PLCB4: variants seen among roughly 807,000 people sequenced by gnomAD.
The protein encoded by PLCB4 is phospholipase C beta 4, also known as 1-phosphatidylinositol 4,5-bisphosphate phosphodiesterase beta-4.
Under a neutral mutation model 178.8 loss-of-function variants are expected in PLCB4, and 77 were observed. That is an observed-to-expected ratio of 0.43 (90% CI 0.36 to 0.52). The LOEUF (loss-of-function observed/expected upper bound fraction) is 0.52. Ranked by LOEUF, PLCB4 falls within the 20% of genes least tolerant of loss-of-function variation. The pLI, the probability that PLCB4 is intolerant of heterozygous loss-of-function variation, is 0.00. For missense variants in PLCB4, 1,024 were observed against 1,453.4 expected (o/e 0.70, Z 4.80); for synonymous variants, 496 against 490.8 (o/e 1.01, Z -0.14).
intron 3 of PLCB4, among the ~76,000 whole-genome samples, chr20:9,263,851 A>T (rs1249055034): frequency 1.3e-5 from 2 of 152,204 alleles, no homozygotes; most frequent in African/African-American, 4.8e-5. Context: ...CAGTGGGATG[A>T]AAAAAGGAAA....
chr20:9,338,862 A>ATT, intron 6 of PLCB4, 32 bp from the exon 7 acceptor site: 2 of 1,547,504 alleles, frequency 1.3e-6, no homozygotes, highest in Non-Finnish European at 8.8e-7. Flanking sequence ...GATGTAACTT[A>ATT]TTTTTTTTTC....
chr20:9,069,753 T>C (rs529402396), intron 1 of PLCB4, among the ~76,000 whole-genome samples: 5 of 152,338 alleles, frequency 3.3e-5, no homozygotes, highest in African/African-American at 1.2e-4. Flanking sequence ...TACTTCTGAG[T>C]GTAGACTTCG....
chr20:9,439,708 T>G (rs1709257754), intron 30 of PLCB4, among the ~76,000 whole-genome samples: 1 of 152,122 alleles, frequency 6.6e-6, no homozygotes, highest in Non-Finnish European at 1.5e-5. Context: ...TGTAGCTTGA[T>G]CTCATTACTT....
chr20:9,303,728 G>T (rs900460827), intron 3 of PLCB4, among the ~76,000 whole-genome samples: 7 of 151,986 alleles, frequency 4.6e-5, no homozygotes, highest in Non-Finnish European at 8.8e-5. Flanking sequence ...GGATCATTTA[G>T]TTCCTCAAAA....
intron 2 of PLCB4, among the ~76,000 whole-genome samples, chr20:9,109,380 A>G (rs982381816): frequency 3.9e-5 from 6 of 152,274 alleles, no homozygotes; most frequent in African/African-American, 7.2e-5. Flanking sequence ...CAGTCTCCCT[A>G]TTTGAGAAGG....
intron 1 of PLCB4, among the ~76,000 whole-genome samples, chr20:9,089,643 G>C (rs946352065): frequency 6.6e-6 from 1 of 152,092 alleles, no homozygotes; most frequent in Non-Finnish European, 1.5e-5. Flanking sequence ...GTGGTTCTAA[G>C]ATTGTGTCCA....
At chr20:9,305,249 A>G (rs1312875666) in intron 3 of PLCB4, among the ~76,000 whole-genome samples, 1 of 151,986 alleles carries the variant, frequency 6.6e-6, no homozygotes, top group Non-Finnish European at 1.5e-5. Flanking sequence ...GTTACTTTTT[A>G]AAAGAGGCTC....
rs751991825 is a variant in PLCB4 at position 9,393,696 on chromosome 20, A to G, written c.1414+18A>G. ...TGAAAAAAGTAAGTGAAACACACACATTTATAATGGAAGCATACATAACAT... is the reference window on the plus strand; with the variant it reads ...TGAAAAAAGTAAGTGAAACACACACGTTTATAATGGAAGCATACATAACAT... On this transcript the variant is annotated intron_variant, in intron 18 of 39. Transcript: ENST00000378473. 2 of 1,442,600 alleles carry G rather than the reference A, an allele frequency of 1.4e-6. No individual in the cohort carries two copies. The highest frequency in any genetic ancestry group is 9.8e-7 in the Non-Finnish European group (1 of 1,024,056). 89.4% of individuals were successfully genotyped at this position (1,442,600 alleles called of 1,614,324 possible). A position where few individuals can be genotyped will look rare whatever the true frequency, so the allele number is the denominator to read the frequency against.
intron 2 of PLCB4, among the ~76,000 whole-genome samples, chr20:9,142,010 G>T (rs918460249): frequency 3.3e-5 from 5 of 152,220 alleles, no homozygotes; most frequent in African/African-American, 1.2e-4. Context: ...GAGGGCTATG[G>T]CAAGCCACTG....
intron 4 of PLCB4, among the ~76,000 whole-genome samples, chr20:9,333,728 C>CA (rs2032033589): frequency 1.3e-5 from 2 of 151,894 alleles, no homozygotes; most frequent in African/African-American, 4.8e-5. Context: ...TGGTTTGGGC[C>CA]AAGGTGGGTG....
intron 3 of PLCB4, among the ~76,000 whole-genome samples, chr20:9,244,856 T>TATAATG (rs2094108363): frequency 6.6e-6 from 1 of 152,182 alleles, no homozygotes; most frequent in Non-Finnish European, 1.5e-5. Context: ...AATGCCTACA[T>TATAATG]CATGGCTTAA....
In PLCB4 at chr20:9,387,373, A is replaced by T. The variant is rs1012112303; in HGVS notation, c.1065-90A>T. 4.5e-6 allele frequency: 3 copies of T among 670,972 alleles called. No individual in the cohort carries two copies. In the African/African-American group the frequency reaches 5.4e-5, roughly 12 times the overall value. The allele number at this position is 670,972 out of a possible 1,614,324, so 41.6% of individuals were successfully genotyped here. A position where few individuals can be genotyped will look rare whatever the true frequency, so the allele number is the denominator to read the frequency against. On this transcript the variant is annotated intron_variant, in intron 14 of 39. Coordinates refer to ENST00000378473, the MANE Select transcript of PLCB4 (RefSeq NM_001377142.1). ...TTTATTCAATTTTCTGTTCTGGAAG[A>T]AAACAACTTATTTTGATGTCTTTCT...
chr20:9,393,654 C>A lies in PLCB4; in HGVS notation c.1390C>A (p.Arg464=), dbSNP rs760779011. 14 of 1,611,360 alleles carry A rather than the reference C, an allele frequency of 8.7e-6. No homozygotes were observed. In the East Asian group the frequency reaches 3.1e-4, roughly 36 times the overall value. ...AAGAAAAATACTCATAAAAAACAAG[C>A]GGCTGAAACCTGAAGTTGAAAAAAG... ...LKRKILIKNK[R]LKPEVEKKQL... is the part of the protein sequence containing the mutation. Residue 464 remains arginine (R), a synonymous_variant, in exon 18 of 40, where the codon CGG becomes AGG. Transcript: ENST00000378473.
intron 4 of PLCB4, among the ~76,000 whole-genome samples, chr20:9,311,480 A>AG (rs1355541636): frequency 6.6e-6 from 1 of 152,182 alleles, no homozygotes; most frequent in African/African-American, 2.4e-5. Context: ...CAGCCCAACC[A>AG]GGAGTGTCTC....
In PLCB4 at chr20:9,437,087, A is replaced by G; in HGVS notation, c.2699A>G (p.Gln900Arg). ...ACCGCCAAAGCAAATGTGACCCCTC[A>G]GAGTAGCTCTGAGCTCAGACCAACC... ...ANTAKANVTP[Q>R]SSSELRPTTT... Residue 900 changes from glutamine (Q) to arginine (R), a missense_variant, in exon 30 of 40, where the codon CAG becomes CGG. By Grantham distance (43) the Gln-to-Arg change is conservative. This residue lies in a region of PLCB4 where 227 missense variants were observed against 374.3 expected (regional missense o/e 0.61). Coordinates refer to ENST00000378473, the MANE Select transcript of PLCB4 (RefSeq NM_001377142.1). The G allele has an allele frequency of 2.5e-6, 4 of 1,614,144 alleles. No homozygotes were observed. Among genetic ancestry groups the G allele is most frequent in the Non-Finnish European group, 3.4e-6 (4 of 1,179,998 alleles).
intron 3 of PLCB4, among the ~76,000 whole-genome samples, chr20:9,305,834 G>T (rs576346447): frequency 6.6e-6 from 1 of 152,108 alleles, no homozygotes; most frequent in Admixed American, 6.6e-5. Context: ...TTAGTGTTGT[G>T]GATGATGTAC....
At chr20:9,418,916 T>C (rs2040438058) in intron 25 of PLCB4, among the ~76,000 whole-genome samples, 2 of 152,188 alleles carry the variant, frequency 1.3e-5, no homozygotes, top group Non-Finnish European at 2.9e-5. Context: ...GTGGTTTATA[T>C]TTTGCTGTTG....
chr20:9,260,639 T>C (rs2094287790), intron 3 of PLCB4, among the ~76,000 whole-genome samples: 1 of 152,152 alleles, frequency 6.6e-6, no homozygotes, highest in South Asian at 2.1e-4. Context: ...TATGTGTGTA[T>C]ATATGAGCTT....
At chr20:9,203,704 T>G (rs1393193235) in intron 2 of PLCB4, among the ~76,000 whole-genome samples, 1 of 151,924 alleles carries the variant, frequency 6.6e-6, no homozygotes, top group African/African-American at 2.4e-5. Context: ...GTTAATTTAC[T>G]TATATTCTCA....
Sources: gnomAD v4.1 joint callset for allele counts (sites outside exome capture counted in the v4.1 genomes callset) on GRCh38, gnomAD v4.1.1 for gene constraint, gnomAD v4.1.1 regional missense constraint, MANE v1.5 for transcripts, NCBI Gene and HGNC (gene_info 2026-07-23, HGNC 2026-07-21) for gene names.